SLC25A24: variants seen among roughly 807,000 people sequenced by gnomAD.
SLC25A24 encodes the protein solute carrier family 25 member 24, also known as mitochondrial adenyl nucleotide antiporter SLC25A24.
SLC25A24 carries 49 observed loss-of-function variants against 60.7 expected under a neutral mutation model. The ratio of observed to expected loss-of-function variants is 0.81; its 90% CI spans 0.64 to 1.02. SLC25A24 has a LOEUF of 1.02. SLC25A24 is among the 50% of genes least tolerant of loss of function. SLC25A24 has a pLI of 0.00. For missense variants in SLC25A24, 564 were observed against 586.3 expected, an observed-to-expected ratio of 0.96 and a Z score of 0.39; for synonymous variants, 202 against 200.6, an observed-to-expected ratio of 1.01 and a Z score of -0.06.
intron 6 of SLC25A24, among the ~76,000 whole-genome samples, chr1:108,152,303 G>C (rs1679777453): frequency 6.6e-6 from 1 of 152,058 alleles, no homozygotes; most frequent in Non-Finnish European, 1.5e-5. Context: ...ATGCCTTCTT[G>C]TGCCTACATT....
chr1:108,147,022 C>T (rs1037450846), intron 7 of SLC25A24, among the ~76,000 whole-genome samples: 1 of 152,126 alleles, frequency 6.6e-6, no homozygotes, highest in Non-Finnish European at 1.5e-5. Context: ...TGGTAGAATT[C>T]GGCTATGAAT....
At chr1:108,168,524 AT>A (rs1353391687) in intron 3 of SLC25A24, among the ~76,000 whole-genome samples, 5 of 152,178 alleles carry the variant, frequency 3.3e-5, no homozygotes. Context: ...ACCACAGAAC[AT>A]TTAGGGTATT....
chr1:108,155,041 C>T lies in SLC25A24; in HGVS notation c.764G>A (p.Gly255Asp). The T allele has an allele frequency of 1.2e-6, 2 of 1,612,970 alleles. No homozygotes were observed. The highest frequency in any genetic ancestry group is 1.1e-5 in the South Asian group (1 of 90,954). ...AGGAGCAATTTTGATGACGTTTGTA[C>T]CATTTCCCCTCCAAAGCGAGCGGAT... is the stretch of plus-strand genomic sequence containing the variant. ...GGIRSLWRGNGTNVIKIAPET... is the reference protein window; with the variant it reads ...GGIRSLWRGNDTNVIKIAPET... The change falls in exon 6 of 10, where the codon GGT becomes GAT. Residue 255 changes from glycine to aspartate, a missense_variant. Transcript: ENST00000565488.
chr1:108,143,667 G>C lies in SLC25A24; in HGVS notation c.974C>G (p.Ser325Cys), dbSNP rs752365170. Residue 325 changes from serine (S) to cysteine (C), a missense_variant, in exon 8 of 10, where the codon TCT (serine) becomes TGT (cysteine). Ser to Cys is a moderately radical substitution (Grantham distance 112, BLOSUM62 -1). Coordinates refer to ENST00000565488, the MANE Select transcript of SLC25A24 (RefSeq NM_013386.5). ...CTTCTTGGCACAATCATATATTCCA[G>C]AGTACTGCCCAGTTTTGCCTACAGC... Reference protein sequence around the residue: ...RLAVGKTGQYSGIYDCAKKIL... With the variant: ...RLAVGKTGQYCGIYDCAKKIL... 6.2e-7 allele frequency: 1 copy of C among 1,613,658 alleles called. No individual in the cohort carries two copies. Among genetic ancestry groups the C allele is most frequent in the Admixed American group, 1.7e-5 (1 of 59,970 alleles).
chr1:108,189,741 G>A (rs914559502), intron 1 of SLC25A24, among the ~76,000 whole-genome samples: 10 of 151,150 alleles, frequency 6.6e-5, no homozygotes, highest in Middle Eastern at 3.4e-3. Context: ...GCTTGAACCC[G>A]GTAGACAGAG....
At chr1:108,173,968 C>T (rs1647574612) in intron 3 of SLC25A24, among the ~76,000 whole-genome samples, 1 of 152,138 alleles carries the variant, frequency 6.6e-6, no homozygotes, top group Non-Finnish European at 1.5e-5. Flanking sequence ...GAAGAAATTT[C>T]TAAGTGGCAA....
At chr1:108,137,206 T>C (rs1392742085) in intron 9 of SLC25A24, among the ~76,000 whole-genome samples, 1 of 152,156 alleles carries the variant, frequency 6.6e-6, no homozygotes, top group Admixed American at 6.5e-5. Context: ...AGGGCTGAGA[T>C]CCAATGGTCT....
chr1:108,160,636 C>T (rs964039506), intron 4 of SLC25A24, among the ~76,000 whole-genome samples: 8 of 152,226 alleles, frequency 5.3e-5, no homozygotes, highest in Non-Finnish European at 8.8e-5. Flanking sequence ...CGAGATCATG[C>T]CACTGCACCC....
At position 108,155,084 on chromosome 1, in the gene SLC25A24, TC is replaced by T. The variant is rs1327908844; in HGVS notation, c.720del (p.Met241TrpfsTer2). The T allele has an allele frequency of 1.2e-6, 2 of 1,612,944 alleles. No homozygotes were observed. Among genetic ancestry groups the T allele is most frequent in the East Asian group, 2.2e-5 (1 of 44,788 alleles). ...GAGCGGATACCTCCTTCTTTTACCA[TC>T]TGTCGAAAGCCACCAAATATGTTCA... The part of the protein sequence containing the change: ...DKMNIFGGFR[Q>X]MVKEGGIRSL... On this transcript the variant is annotated frameshift_variant, in exon 6 of 10. Transcript: ENST00000565488. LOFTEE classifies it high-confidence loss of function.
At chr1:108,149,688 G>A (rs1262493475) in intron 6 of SLC25A24, among the ~76,000 whole-genome samples, 2 of 152,156 alleles carry the variant, frequency 1.3e-5, no homozygotes, top group Non-Finnish European at 2.9e-5. Flanking sequence ...AGCAGCTGCT[G>A]TCACCAGAGG....
chr1:108,160,155 C>T (rs1464828668), intron 4 of SLC25A24, among the ~76,000 whole-genome samples: 13 of 152,026 alleles, frequency 8.6e-5, no homozygotes, highest in Non-Finnish European at 1.9e-4. Context: ...TCCTCACTTC[C>T]CAGACGGGGC....
intron 1 of SLC25A24, among the ~76,000 whole-genome samples, chr1:108,193,798 G>C (rs1039434150): frequency 3.6e-5 from 5 of 139,602 alleles, no homozygotes; most frequent in African/African-American, 1.2e-4. Context: ...GGCTGGATTG[G>C]AAAGATGATC....
intron 4 of SLC25A24, among the ~76,000 whole-genome samples, chr1:108,160,972 GGAGAGA>G (rs1680060442): frequency 6.6e-6 from 1 of 151,988 alleles, no homozygotes; most frequent in Non-Finnish European, 1.5e-5. Context: ...GTGGGGAGGG[GGAGAGA>G]GAGGGAGAGG....
At chr1:108,142,821 T>C (rs1679477335) in intron 8 of SLC25A24, among the ~76,000 whole-genome samples, 2 of 152,188 alleles carry the variant, frequency 1.3e-5, no homozygotes, top group Non-Finnish European at 2.9e-5. Context: ...ACCATTTGCT[T>C]GTACACTTCA....
At chr1:108,137,606 A>C (rs907323225) in intron 9 of SLC25A24, among the ~76,000 whole-genome samples, 4 of 152,240 alleles carry the variant, frequency 2.6e-5, no homozygotes, top group African/African-American at 9.6e-5. Flanking sequence ...ATGTAAAATG[A>C]TCAGACTTTT....
At position 108,192,532 on chromosome 1, in the gene SLC25A24, C is replaced by A. The variant is rs1007628899; in HGVS notation, c.184-6578G>T. Reference sequence around the variant, plus strand: ...CTAGAGATTGAATGGCCCCTACATCCTCCAGGCCTTCCTGAAGCTCAAAAA... The same window carrying A: ...CTAGAGATTGAATGGCCCCTACATCATCCAGGCCTTCCTGAAGCTCAAAAA... On this transcript the variant is annotated intron_variant, in intron 1 of 9. Coordinates refer to ENST00000565488, the MANE Select transcript of SLC25A24 (RefSeq NM_013386.5). 7 of 1,498,900 alleles carry A rather than the reference C, an allele frequency of 4.7e-6. 2 individuals are homozygous for A. The highest frequency in any genetic ancestry group is 2.1e-5 in the Admixed American group (1 of 47,388). The allele number at this position is 1,498,900 out of a possible 1,614,324, so 92.9% of individuals were successfully genotyped here. A position where few individuals can be genotyped will look rare whatever the true frequency, so the allele number is the denominator to read the frequency against.
chr1:108,148,435 G>T (rs745872251), intron 6 of SLC25A24, 49 bp from the exon 7 acceptor site: 8 of 1,014,632 alleles, frequency 7.9e-6, no homozygotes. Flanking sequence ...TGTGGACTGA[G>T]CTGCACCCCC....
chr1:108,142,430 C>T (rs1445776989), intron 8 of SLC25A24, among the ~76,000 whole-genome samples: 1 of 152,198 alleles, frequency 6.6e-6, no homozygotes, highest in African/African-American at 2.4e-5. Context: ...CGGAATATTA[C>T]TCAGCCATGA....
intron 9 of SLC25A24, 151 bp downstream of exon 9, chr1:108,138,907 T>G (rs547604158): frequency 1.3e-6 from 1 of 775,460 alleles, no homozygotes; most frequent in Non-Finnish European, 1.9e-6. Flanking sequence ...AAAGAATTTC[T>G]GAAAAGATTC....
Sources: gnomAD v4.1 joint callset for allele counts (sites outside exome capture counted in the v4.1 genomes callset) on GRCh38, gnomAD v4.1.1 for gene constraint, MANE v1.5 for transcripts, NCBI Gene and HGNC (gene_info 2026-07-23, HGNC 2026-07-21) for gene names.